Variants in AADAT observed in about 807,000 individuals in gnomAD.
AADAT encodes kynurenine/alpha-aminoadipate aminotransferase, mitochondrial.
Under a neutral mutation model 56.2 loss-of-function variants are expected in AADAT, and 25 were observed. That is an observed-to-expected ratio of 0.44 (90% CI 0.32 to 0.62). AADAT has a LOEUF of 0.62. AADAT is among the 20% of genes least tolerant of loss of function. The pLI is 0.04. For synonymous variants in AADAT, 173 were observed against 164.7 expected (o/e 1.05, Z -0.39); for missense variants, 387 against 510.5 (o/e 0.76, Z 2.33).
intron 5 of AADAT, among the ~76,000 whole-genome samples, chr4:170,072,281 GTATATATATGTGTGTGTGTA>G (rs1196568889): frequency 3.9e-3 from 575 of 146,826 alleles, no homozygotes; most frequent in African/African-American, 0.013. Context: ...GTGTGTGTGT[GTATATATATGTGTGTGTGTA>G]TATATATATA....
At chr4:170,068,101 T>C (rs1731566961) in intron 8 of AADAT, among the ~76,000 whole-genome samples, 2 of 141,360 alleles carry the variant, frequency 1.4e-5, no homozygotes, top group Non-Finnish European at 3.0e-5. Flanking sequence ...GTCATGCCAC[T>C]GCACTCCAGC....
chr4:170,084,887 C>G (rs1261899594), intron 3 of AADAT, among the ~76,000 whole-genome samples: 1 of 152,168 alleles, frequency 6.6e-6, no homozygotes. Flanking sequence ...AGCGTTGATC[C>G]TTGAACAACA....
At chr4:170,091,442 C>T (rs1362185824), upstream of AADAT, among the ~76,000 whole-genome samples, 1 of 152,218 alleles carries the variant, frequency 6.6e-6, no homozygotes, top group African/African-American at 2.4e-5. Context: ...TTCGAATTCT[C>T]GCCAGGCCTC....
chr4:170,069,328 TAAC>T, intron 6 of AADAT, 98 bp from the exon 7 acceptor site: 2 of 869,450 alleles, frequency 2.3e-6, no homozygotes, highest in Non-Finnish European at 3.6e-6. Flanking sequence ...TGGATTTGGA[TAAC>T]AACAGTACAA....
intron 8 of AADAT, 37 bp downstream of exon 8, chr4:170,068,554 T>A: frequency 1.4e-6 from 2 of 1,382,664 alleles, no homozygotes; most frequent in Non-Finnish European, 2.0e-6. Context: ...TCTAATCTGA[T>A]TACAAAAAAA....
chr4:170,063,187 TG>T (rs1227998143), intron 11 of AADAT, among the ~76,000 whole-genome samples: 1 of 152,166 alleles, frequency 6.6e-6, no homozygotes, highest in Non-Finnish European at 1.5e-5. Flanking sequence ...CTCAGTAGCA[TG>T]GAAAAGTTCT....
At chr4:170,078,030 CAG>C (rs898771322) in intron 4 of AADAT, among the ~76,000 whole-genome samples, 1 of 152,204 alleles carries the variant, frequency 6.6e-6, no homozygotes, top group Non-Finnish European at 1.5e-5. Context: ...CAGTGCAGAG[CAG>C]AGTCAGATCA....
chr4:170,073,502 C>T (rs973137869), intron 4 of AADAT, among the ~76,000 whole-genome samples, 157 bp from the exon 5 acceptor site: 9 of 151,002 alleles, frequency 6.0e-5, no homozygotes, highest in Admixed American at 2.6e-4. Context: ...TGAGGTTACA[C>T]ATTTATTTAT....
Position 170,088,517 on chromosome 4 carries a change from C to T in AADAT, c.115G>A (p.Gly39Ser). ...GGAAACATGTTTGGATTTGGTAAGCCACCAGCCAAGGAGATCATCGATTTT... is the reference window on the plus strand; with the variant it reads ...GGAAACATGTTTGGATTTGGTAAGCTACCAGCCAAGGAGATCATCGATTTT... ...GPKSMISLAG[G>S]LPNPNMFPFK... Residue 39 changes from glycine to serine, a missense_variant, in exon 2 of 13, where the codon GGC becomes AGC. Gly to Ser is a moderately conservative substitution (Grantham distance 56). Coordinates refer to ENST00000337664, the MANE Select transcript of AADAT (RefSeq NM_016228.4). The T allele has an allele frequency of 6.2e-7, 1 of 1,613,476 alleles. No homozygotes were observed. Among genetic ancestry groups the T allele is most frequent in the Non-Finnish European group, 8.5e-7 (1 of 1,179,518 alleles).
intron 4 of AADAT, among the ~76,000 whole-genome samples, chr4:170,074,917 A>C (rs1330206227): frequency 2.0e-5 from 3 of 152,232 alleles, no homozygotes; most frequent in Non-Finnish European, 4.4e-5. Flanking sequence ...TGAGGTTCTA[A>C]AAAAATTGCA....
At chr4:170,069,120 G>A in intron 7 of AADAT, 28 bp downstream of exon 7, 2 of 1,586,570 alleles carry the variant, frequency 1.3e-6, no homozygotes, top group Non-Finnish European at 8.6e-7. Context: ...ATTAGATCTA[G>A]CGTCAAGTTA....
At chr4:170,061,833 G>T in intron 12 of AADAT, 59 bp downstream of exon 12, 3 of 1,221,924 alleles carry the variant, frequency 2.5e-6, no homozygotes, top group Non-Finnish European at 3.5e-6. Context: ...AAGTATACAC[G>T]TGCATTAAAA....
In AADAT at chr4:170,067,425, C is replaced by G. The variant is rs972858283; in HGVS notation, c.901-37G>C. 3 of 1,559,560 alleles carry G rather than the reference C, an allele frequency of 1.9e-6. No individual in the cohort carries two copies. In the African/African-American group the frequency reaches 4.1e-5, roughly 21 times the overall value. ...AAAATCATAAATACCATGTTTCATC[C>G]CCTGAAAATGTACTTTTTGCCATAT... On this transcript the variant is annotated intron_variant, in intron 8 of 12. Coordinates refer to ENST00000337664, the MANE Select transcript of AADAT (RefSeq NM_016228.4).
Position 170,061,937 on chromosome 4 carries a change from G to GT in AADAT, c.1190dup (p.Tyr397Ter). The GT allele has an allele frequency of 6.2e-7, 1 of 1,613,294 alleles. No homozygotes were observed. The highest frequency in any genetic ancestry group is 8.5e-7 in the Non-Finnish European group (1 of 1,179,518). The change falls in exon 12 of 13, where the codon TAC becomes TAAC. Residue 397 changes from tyrosine to a stop codon, truncating the protein, a stop_gained and frameshift_variant. Transcript: ENST00000337664. LOFTEE classifies it high-confidence loss of function. ...AAGCTGAAGAGAAGGATGCTCTCAA[G>GT]TAAGGGCTAGGAGCTGAGCTATCGA... The part of the protein sequence containing the change: ...FYVDSSAPSP[Y>*]LRASFSSASP...
chr4:170,092,266 A>T (rs1316397091), upstream of AADAT, among the ~76,000 whole-genome samples: 1 of 152,226 alleles, frequency 6.6e-6, no homozygotes, highest in South Asian at 2.1e-4. Context: ...CATTGCTTTT[A>T]TGAGTTGTAA....
chr4:170,093,567 A>G (rs957682162), upstream of AADAT, among the ~76,000 whole-genome samples: 4 of 152,210 alleles, frequency 2.6e-5, no homozygotes, highest in Non-Finnish European at 5.9e-5. Flanking sequence ...TGTGATTTGT[A>G]GTATTTATTA....
chr4:170,072,275 G>A (rs141959445), intron 5 of AADAT, among the ~76,000 whole-genome samples: 5 of 148,876 alleles, frequency 3.4e-5, no homozygotes, highest in Non-Finnish European at 5.9e-5. Flanking sequence ...ATATATGTGT[G>A]TGTGTGTATA....
At chr4:170,083,626 A>C (rs566510623) in intron 3 of AADAT, among the ~76,000 whole-genome samples, 1 of 152,270 alleles carries the variant, frequency 6.6e-6, no homozygotes, top group East Asian at 1.9e-4. Context: ...AAACGGCCAA[A>C]AGGCATTAAA....
chr4:170,081,172 C>T (rs1732284031), intron 3 of AADAT, among the ~76,000 whole-genome samples: 1 of 152,090 alleles, frequency 6.6e-6, no homozygotes, highest in African/African-American at 2.4e-5. Flanking sequence ...AATTGTTGAA[C>T]TGAGGAACTC....
Sources: allele counts gnomAD v4.1 joint callset (sites outside exome capture counted in the v4.1 genomes callset), GRCh38; gene constraint gnomAD v4.1.1; transcripts MANE v1.5; gene names NCBI Gene and HGNC (gene_info 2026-07-23, HGNC 2026-07-21).